Variants in CLDND2 observed in about 807,000 individuals in gnomAD.
The protein encoded by CLDND2 is claudin domain containing 2, also known as claudin domain-containing protein 2.
CLDND2 carries 18 observed loss-of-function variants against 17.7 expected under a neutral mutation model. The ratio of observed to expected loss-of-function variants is 1.02; its 90% CI spans 0.70 to 1.51. CLDND2 has a LOEUF of 1.51. Ranked by LOEUF, CLDND2 falls within the 40% of genes most tolerant of loss-of-function variation. CLDND2 has a pLI of 0.00. For missense variants in CLDND2, 233 were observed against 219.6 expected, an observed-to-expected ratio of 1.06 and a Z score of -0.39; for synonymous variants, 113 against 93.0, an observed-to-expected ratio of 1.22 and a Z score of -1.24.
rs1352543403 is a variant in CLDND2 at position 51,368,987 on chromosome 19, A to G, written c.-410T>C. ...CCCAGTGCCCTAGGGCTCCTTAGACACAGAGCCCAGAGAGACGGGGGGAGG... is the reference window on the plus strand; with the variant it reads ...CCCAGTGCCCTAGGGCTCCTTAGACGCAGAGCCCAGAGAGACGGGGGGAGG... On this transcript the variant is annotated 5_prime_UTR_variant, in exon 1 of 4. Coordinates refer to ENST00000291715, the MANE Select transcript of CLDND2 (RefSeq NM_152353.3). 1 of 159,420 alleles carries G rather than the reference A, an allele frequency of 6.3e-6. No homozygotes were observed. Among genetic ancestry groups the G allele is most frequent in the Non-Finnish European group, 1.4e-5 (1 of 72,778 alleles). 9.9% of individuals were successfully genotyped at this position (159,420 alleles called of 1,614,324 possible).
Position 51,367,483 on chromosome 19 carries a change from A to T in CLDND2, c.404T>A (p.Leu135Gln), listed in dbSNP as rs150545272. ...FFSWSYFSGWLALPFSILAGF... is the reference protein window; with the variant it reads ...FFSWSYFSGWQALPFSILAGF... Reference sequence around the variant, plus strand: ...CGCGAGAATTGAGAAGGGTAAGGCCAGCCACCCAGAAAAATAGGACCAAGA... The same window carrying T: ...CGCGAGAATTGAGAAGGGTAAGGCCTGCCACCCAGAAAAATAGGACCAAGA... The change falls in exon 3 of 4, where the codon CTG (leucine) becomes CAG (glutamine). Residue 135 changes from leucine to glutamine, a missense_variant. Transcript: ENST00000291715. This position sits in a 1 kb window ranked among gnomAD's most constrained non-coding sequence, Gnocchi z 7.4. The T allele has an allele frequency of 7.5e-5, 121 of 1,604,114 alleles. No individual in the cohort carries two copies. The highest frequency in any genetic ancestry group is 1.3e-5 in the African/African-American group (1 of 74,836).
chr19:51,368,056 G>GGGCGCCGCCCCAGTCA lies in CLDND2; in HGVS notation c.170-46_170-31dup, dbSNP rs1986500891. 5 of 1,571,878 alleles carry GGGCGCCGCCCCAGTCA rather than the reference G, an allele frequency of 3.2e-6. No homozygotes were observed. In the East Asian group the frequency reaches 1.2e-4, roughly 37 times the overall value. On this transcript the variant is annotated intron_variant, in intron 1 of 3. Coordinates refer to ENST00000291715, the MANE Select transcript of CLDND2 (RefSeq NM_152353.3). ...GGAGAGCGGGCGCATCAGCCCCCGC[G>GGGCGCCGCCCCAGTCA]GGCGCCGCCCCAGTCACTACGGGTT...
Position 51,367,661 on chromosome 19 carries a change from C to G in CLDND2, c.311-85G>C, listed in dbSNP as rs1026210820. 6.5e-7 allele frequency: 1 copy of G among 1,527,652 alleles called. No individual in the cohort carries two copies. The highest frequency in any genetic ancestry group is 1.4e-5 in the African/African-American group (1 of 71,890). 94.6% of individuals were successfully genotyped at this position (1,527,652 alleles called of 1,614,324 possible). Reference sequence around the variant, plus strand: ...CACGCCCCTTCAGACCCGCCCCCTTCTATCAGACCACGCCTATCGCCTCTC... The same window carrying G: ...CACGCCCCTTCAGACCCGCCCCCTTGTATCAGACCACGCCTATCGCCTCTC... On this transcript the variant is annotated intron_variant, in intron 2 of 3. Transcript: ENST00000291715. The surrounding 1 kb of genome is among the most constrained non-coding windows in gnomAD (Gnocchi z 7.4).
At chr19:51,366,859 C>T (rs188924598), downstream of CLDND2, among the ~76,000 whole-genome samples, 573 of 152,152 alleles carry the variant, frequency 3.8e-3, 6 homozygotes, top group Admixed American at 0.021. Flanking sequence ...CTCTACTTCA[C>T]CTCCATGTCG....
rs552380651 is a variant in CLDND2, at chr19:51,367,878, A to T, written c.310+8T>A. The T allele has an allele frequency of 1.2e-6, 2 of 1,609,216 alleles. No individual in the cohort carries two copies. The highest frequency in any genetic ancestry group is 1.7e-5 in the Admixed American group (1 of 59,938). On this transcript the variant is annotated splice_region_variant and intron_variant, in intron 2 of 3. Coordinates refer to ENST00000291715, the MANE Select transcript of CLDND2 (RefSeq NM_152353.3). The surrounding 1 kb of genome is among the most constrained non-coding windows in gnomAD (Gnocchi z 7.4). ...TGCCTGCCCGCCTGGGGCGGTCTGCAGTCTCACCGCCGAGGAAGAGGAAGG... is the reference window on the plus strand; with the variant it reads ...TGCCTGCCCGCCTGGGGCGGTCTGCTGTCTCACCGCCGAGGAAGAGGAAGG...
In CLDND2 at chr19:51,367,141, G is replaced by T; in HGVS notation, c.*1C>A. The T allele has an allele frequency of 6.2e-7, 1 of 1,614,148 alleles. No homozygotes were observed. The highest frequency in any genetic ancestry group is 1.1e-5 in the South Asian group (1 of 91,092). Reference sequence around the variant, plus strand: ...TTTATTCTGCCCCAGGCAGGCTGCAGTCACAGACACACGGGGAATCCACTG... The same window carrying T: ...TTTATTCTGCCCCAGGCAGGCTGCATTCACAGACACACGGGGAATCCACTG... On this transcript the variant is annotated 3_prime_UTR_variant, in exon 4 of 4. Coordinates refer to ENST00000291715, the MANE Select transcript of CLDND2 (RefSeq NM_152353.3). The surrounding 1 kb of genome is among the most constrained non-coding windows in gnomAD (Gnocchi z 7.4).
rs773129839 is a variant in CLDND2, at chr19:51,367,871, G to A, written c.310+15C>T. 22 of 1,607,754 alleles carry A rather than the reference G, an allele frequency of 1.4e-5. No individual in the cohort carries two copies. Among genetic ancestry groups the A allele is most frequent in the Middle Eastern group, 3.3e-4 (2 of 6,080 alleles). ...CCGCCCCTGCCTGCCCGCCTGGGGC[G>A]GTCTGCAGTCTCACCGCCGAGGAAG... On this transcript the variant is annotated intron_variant, in intron 2 of 3. Transcript: ENST00000291715. This position sits in a 1 kb window ranked among gnomAD's most constrained non-coding sequence, Gnocchi z 7.4.
At position 51,367,953 on chromosome 19, in the gene CLDND2, C is replaced by T. The variant is rs1163274581; in HGVS notation, c.243G>A (p.Leu81=). The change falls in exon 2 of 4, where the codon CTG becomes CTA. Residue 81 remains leucine (L), a synonymous_variant. Coordinates refer to ENST00000291715, the MANE Select transcript of CLDND2 (RefSeq NM_152353.3). This position sits in a 1 kb window ranked among gnomAD's most constrained non-coding sequence, Gnocchi z 7.4. ...ACTCGCCCTCGTCGCACCGAATCCG[C>T]AGTCCCATCACCATGCCCACCACGC... is the stretch of plus-strand genomic sequence containing the variant. The part of the protein sequence containing the change: ...GVGVVGMVMG[L]RIRCDEGESL... 5 of 1,613,016 alleles carry T rather than the reference C, an allele frequency of 3.1e-6. No homozygotes were observed. Among genetic ancestry groups the T allele is most frequent in the East Asian group, 2.2e-5 (1 of 44,844 alleles).
At chr19:51,368,278 T>TCGGC in intron 1 of CLDND2, 131 bp downstream of exon 1, 1 of 1,195,996 alleles carries the variant, frequency 8.4e-7, no homozygotes, top group South Asian at 1.5e-5. Context: ...CGTGGCGGCC[T>TCGGC]CGGCCGACAA....
chr19:51,366,977 T>C (rs1986410249), downstream of CLDND2: 3 of 645,368 alleles, frequency 4.6e-6, no homozygotes, highest in East Asian at 5.9e-5. Flanking sequence ...TGTGTCTCCA[T>C]GTCTGTGTCT....
Position 51,368,011 on chromosome 19 carries a change from G to C in CLDND2, c.185C>G (p.Thr62Ser). 1 of 1,610,344 alleles carries C rather than the reference G, an allele frequency of 6.2e-7. No homozygotes were observed. The highest frequency in any genetic ancestry group is 8.5e-7 in the Non-Finnish European group (1 of 1,178,604). ...SIPCQTTLAV[T>S]VACMVLAVGV... ...CACCGCCAGCACCATGCACGCCACA[G>C]TCACCGCCAGCGTGGCTGGGGAGAG... The change falls in exon 2 of 4, where the codon ACT becomes AGT. Residue 62 changes from threonine to serine, a missense_variant. Transcript: ENST00000291715.
rs1307144896 is a variant in CLDND2 at position 51,368,490 on chromosome 19, A to T, written c.88T>A (p.Tyr30Asn). ...TGGCCCTCTTGTTGGCGGGTCCAGT[A>T]GTTGGTGGCCGTGGAGAGCACCATG... ...VLMVLSTATN[Y>N]WTRQQEGHSG... The change falls in exon 1 of 4, where the codon TAC (tyrosine) becomes AAC (asparagine). Residue 30 changes from tyrosine to asparagine, a missense_variant. Transcript: ENST00000291715. 3.1e-6 allele frequency: 5 copies of T among 1,613,988 alleles called. No homozygotes were observed. The highest frequency in any genetic ancestry group is 2.5e-6 in the Non-Finnish European group (3 of 1,180,002).
At chr19:51,368,183 G>C in intron 1 of CLDND2, 157 bp from the exon 2 acceptor site, 1 of 928,746 alleles carries the variant, frequency 1.1e-6, no homozygotes, top group Non-Finnish European at 1.6e-6. Context: ...TTGAGACTTG[G>C]AGGTCACATC....
chr19:51,367,681 CCT>C lies in CLDND2; in HGVS notation c.311-107_311-106del. ...CCCTTCTATCAGACCACGCCTATCG[CCT>C]CTCAGCCCGCCCCTGGCCCAGGCCC... On this transcript the variant is annotated intron_variant, in intron 2 of 3. Coordinates refer to ENST00000291715, the MANE Select transcript of CLDND2 (RefSeq NM_152353.3). The surrounding 1 kb of genome is among the most constrained non-coding windows in gnomAD (Gnocchi z 7.4). 1.3e-6 allele frequency: 2 copies of C among 1,500,334 alleles called. No individual in the cohort carries two copies. Among genetic ancestry groups the C allele is most frequent in the Middle Eastern group, 2.3e-4 (1 of 4,274 alleles). 92.9% of individuals were successfully genotyped at this position (1,500,334 alleles called of 1,614,324 possible).
Position 51,367,764 on chromosome 19 carries a change from T to G in CLDND2, c.310+122A>C. ...TCGAGCCCCGCCCACCTCTCTCGGC[T>G]TCTTCCAGCCCTGCCCCTCGGATCC... On this transcript the variant is annotated intron_variant, in intron 2 of 3. Coordinates refer to ENST00000291715, the MANE Select transcript of CLDND2 (RefSeq NM_152353.3). The surrounding 1 kb of genome is among the most constrained non-coding windows in gnomAD (Gnocchi z 7.4). The G allele has an allele frequency of 6.8e-7, 1 of 1,481,276 alleles. No homozygotes were observed. The highest frequency in any genetic ancestry group is 2.3e-5 in the Admixed American group (1 of 42,574). The allele number at this position is 1,481,276 out of a possible 1,614,324, so 91.8% of individuals were successfully genotyped here.
rs2123627775 is a variant in CLDND2, at chr19:51,367,644, T to C, written c.311-68A>G. On this transcript the variant is annotated intron_variant, in intron 2 of 3. Coordinates refer to ENST00000291715, the MANE Select transcript of CLDND2 (RefSeq NM_152353.3). This position sits in a 1 kb window ranked among gnomAD's most constrained non-coding sequence, Gnocchi z 7.4. ...GGGGGCTGCACCCAGGCCACGCCCC[T>C]TCAGACCCGCCCCCTTCTATCAGAC... is the stretch of plus-strand genomic sequence containing the variant. The C allele has an allele frequency of 3.2e-6, 5 of 1,548,910 alleles. 1 individual carries two copies. The South Asian group carries it at 5.9e-5, about 18-fold the overall frequency.
Position 51,368,391 on chromosome 19 carries a change from G to A in CLDND2, c.169+18C>T, listed in dbSNP as rs1193817526. ...GGGTCTGAAATGCCCTCTGACATCT[G>A]GGCGGGCGGAGCCTCACTCTGGCAG... On this transcript the variant is annotated intron_variant, in intron 1 of 3. Transcript: ENST00000291715. 9 of 1,603,090 alleles carry A rather than the reference G, an allele frequency of 5.6e-6. No homozygotes were observed. Among genetic ancestry groups the A allele is most frequent in the Non-Finnish European group, 6.8e-6 (8 of 1,176,084 alleles).
In CLDND2 at chr19:51,368,394, C is replaced by G. The variant is rs376086018; in HGVS notation, c.169+15G>C. 6 of 1,603,092 alleles carry G rather than the reference C, an allele frequency of 3.7e-6. No homozygotes were observed. Among genetic ancestry groups the G allele is most frequent in the South Asian group, 3.3e-5 (3 of 90,190 alleles). The stretch of plus-strand genomic sequence containing the variant: ...TCTGAAATGCCCTCTGACATCTGGG[C>G]GGGCGGAGCCTCACTCTGGCAGGGG... On this transcript the variant is annotated intron_variant, in intron 1 of 3. Transcript: ENST00000291715.
Position 51,368,617 on chromosome 19 carries a change from G to C in CLDND2, c.-40C>G. 1 of 1,580,684 alleles carries C rather than the reference G, an allele frequency of 6.3e-7. No individual in the cohort carries two copies. The highest frequency in any genetic ancestry group is 1.1e-5 in the South Asian group (1 of 89,066). ...AGCCGGGGGCCACAAGGGCAGGATG[G>C]GCCCAGGCCTTTCCTACCCCGAGGC... On this transcript the variant is annotated 5_prime_UTR_variant, in exon 1 of 4. Transcript: ENST00000291715.
Sources: gnomAD v4.1 joint callset for allele counts (sites outside exome capture counted in the v4.1 genomes callset) on GRCh38, gnomAD v4.1.1 for gene constraint, Gnocchi (gnomAD v3.1) non-coding constraint, MANE v1.5 for transcripts, NCBI Gene and HGNC (gene_info 2026-07-23, HGNC 2026-07-21) for gene names.